BBIP1: variants seen among roughly 807,000 people sequenced by gnomAD.
BBIP1 encodes the protein BBSome interacting protein 1.
BBIP1 carries 6 observed loss-of-function variants against 8.9 expected under a neutral mutation model. The observed-to-expected ratio is 0.67, with a 90% CI of 0.37 to 1.33. The LOEUF is 1.33. BBIP1 is among the 40% of genes most tolerant of loss of function. The pLI is 0.02. For missense variants in BBIP1, 111 were observed against 109.2 expected (o/e 1.02, Z -0.07); for synonymous variants, 32 against 33.4 (o/e 0.96, Z 0.14).
intron 2 of BBIP1, among the ~76,000 whole-genome samples, chr10:110,915,478 C>A (rs1374233626): frequency 1.3e-5 from 2 of 152,110 alleles, no homozygotes; most frequent in Non-Finnish European, 2.9e-5. Context: ...AAGTCCCCCA[C>A]ATTAAACTTA....
chr10:110,917,394 C>A (rs1382959316), intron 2 of BBIP1, among the ~76,000 whole-genome samples: 1 of 151,482 alleles, frequency 6.6e-6, no homozygotes, highest in Non-Finnish European at 1.5e-5. Flanking sequence ...TCTTGCCTAA[C>A]AATAAGTGTC....
chr10:110,904,575 G>C (rs949682576), intron 2 of BBIP1: 1 of 152,170 alleles, frequency 6.6e-6, no homozygotes, highest in African/African-American at 2.4e-5. Context: ...GGACGGTATA[G>C]GGAAATTAGC....
At chr10:110,913,423 A>G (rs1215813233) in intron 2 of BBIP1, among the ~76,000 whole-genome samples, 5 of 152,238 alleles carry the variant, frequency 3.3e-5, no homozygotes, top group Non-Finnish European at 7.3e-5. Flanking sequence ...CATGGTACCT[A>G]TAAGACAGCA....
At chr10:110,901,178 C>A in intron 3 of BBIP1, 1 of 439,706 alleles carries the variant, frequency 2.3e-6, no homozygotes, top group South Asian at 1.7e-5. Context: ...GTAGTACTAG[C>A]AAATCAGTAG....
intron 2 of BBIP1, chr10:110,902,569 A>G (rs1326658685): frequency 6.6e-6 from 1 of 152,200 alleles, no homozygotes; most frequent in African/African-American, 2.4e-5. Context: ...AATTATAATC[A>G]AGTGAAGCTT....
chr10:110,914,719 G>A (rs1170553523), intron 2 of BBIP1, among the ~76,000 whole-genome samples: 1 of 152,174 alleles, frequency 6.6e-6, no homozygotes, highest in Non-Finnish European at 1.5e-5. Context: ...TCAAGCTCAT[G>A]TGAATAAAAT....
At chr10:110,918,014 T>C in intron 2 of BBIP1, 107 bp downstream of exon 2, 2 of 943,720 alleles carry the variant, frequency 2.1e-6, no homozygotes, top group Middle Eastern at 2.1e-4. Context: ...ACAAGAGTAG[T>C]TCATTTTGGC....
At chr10:110,912,346 T>C (rs543593673) in intron 2 of BBIP1, 3 of 152,194 alleles carry the variant, frequency 2.0e-5, no homozygotes, top group African/African-American at 7.2e-5. Context: ...ATTAGAAATA[T>C]ACAACACTTT....
At chr10:110,908,844 C>A (rs559331105) in intron 2 of BBIP1, among the ~76,000 whole-genome samples, 2 of 149,182 alleles carry the variant, frequency 1.3e-5, no homozygotes, top group African/African-American at 4.9e-5. Flanking sequence ...AAACCCTAAC[C>A]AAACTGCAAT....
At chr10:110,916,358 C>T (rs1272512789) in intron 2 of BBIP1, among the ~76,000 whole-genome samples, 5 of 152,264 alleles carry the variant, frequency 3.3e-5, no homozygotes, top group African/African-American at 9.6e-5. Context: ...GAGTATACGA[C>T]GTTGGCAGTC....
chr10:110,918,283 A>C, intron 1 of BBIP1, 70 bp from the exon 2 acceptor site: 4 of 791,594 alleles, frequency 5.1e-6, no homozygotes, highest in African/African-American at 1.7e-5. Context: ...AAAAATCTTC[A>C]ACACGTTGTT....
chr10:110,918,647 CTGGCTGGGTT>C (rs1275753708), intron 1 of BBIP1, among the ~76,000 whole-genome samples: 15 of 152,244 alleles, frequency 9.9e-5, no homozygotes, highest in Non-Finnish European at 1.8e-4. Flanking sequence ...CGGGCTGCCT[CTGGCTGGGTT>C]AGGGCGGCCT....
intron 2 of BBIP1, chr10:110,907,561 G>A (rs983078561): frequency 4.2e-6 from 2 of 479,260 alleles, no homozygotes; most frequent in South Asian, 3.9e-5. Context: ...TGGTGAAAGA[G>A]GAGACAGGAA....
intron 2 of BBIP1, chr10:110,911,119 C>T (rs1846266159): frequency 6.6e-6 from 1 of 152,112 alleles, no homozygotes; most frequent in Non-Finnish European, 1.5e-5. Flanking sequence ...GCCATTAGAC[C>T]AAACCCTGCA....
intron 2 of BBIP1, chr10:110,907,753 G>A (rs1307639783): frequency 4.3e-6 from 3 of 702,356 alleles, no homozygotes; most frequent in Non-Finnish European, 7.8e-6. Context: ...ATAAAGGATG[G>A]TGATTGATAC....
intron 2 of BBIP1, chr10:110,910,777 G>A (rs1172194068): frequency 1.3e-5 from 2 of 152,190 alleles, no homozygotes; most frequent in Admixed American, 6.5e-5. Context: ...AGGTTGAGAA[G>A]GAATAGTAAA....
intron 2 of BBIP1, among the ~76,000 whole-genome samples, chr10:110,915,167 G>GT (rs1414537733): frequency 4.6e-5 from 7 of 151,628 alleles, no homozygotes; most frequent in South Asian, 2.1e-4. Context: ...TTCTTTTTTT[G>GT]TTTTTTTAAG....
rs1051909345 is a variant in BBIP1 at position 110,910,874 on chromosome 10, A to G, written c.37+7247T>C. The G allele has an allele frequency of 1.3e-5, 2 of 152,346 alleles. 1 individual carries two copies. The highest frequency in any genetic ancestry group is 4.8e-5 in the African/African-American group (2 of 41,476). 9.4% of individuals were successfully genotyped at this position (152,346 alleles called of 1,614,324 possible). ...GAAGGCCCAGAGTCAACTGTACAGT[A>G]GTACAAGCTACGGAGGTGGATATAA... On this transcript the variant is annotated intron_variant, in intron 2 of 3. Coordinates refer to ENST00000448814, the MANE Select transcript of BBIP1 (RefSeq NM_001195305.3).
At chr10:110,914,497 A>G (rs1846350481) in intron 2 of BBIP1, among the ~76,000 whole-genome samples, 1 of 152,138 alleles carries the variant, frequency 6.6e-6, no homozygotes, top group South Asian at 2.1e-4. Context: ...TGCATTTTTC[A>G]GCAAACATAA....
Sources: allele counts gnomAD v4.1 joint callset (sites outside exome capture counted in the v4.1 genomes callset), GRCh38; gene constraint gnomAD v4.1.1; transcripts MANE v1.5; gene names NCBI Gene and HGNC (gene_info 2026-07-23, HGNC 2026-07-21).